MBOAT1: variants seen among roughly 807,000 people sequenced by gnomAD.
MBOAT1 encodes the protein membrane bound glycerophospholipid O-acyltransferase 1.
MBOAT1 carries 67 observed loss-of-function variants against 64.4 expected under a neutral mutation model. That is an observed-to-expected ratio of 1.04 (90% CI 0.85 to 1.27). The LOEUF is 1.27. Ranked by LOEUF, MBOAT1 falls within the 50% of genes most tolerant of loss-of-function variation. The pLI, the probability that MBOAT1 is intolerant of heterozygous loss-of-function variation, is 0.00. For missense variants in MBOAT1, 563 were observed against 604.6 expected (o/e 0.93, Z 0.72); for synonymous variants, 229 against 218.9 (o/e 1.05, Z -0.41).
At chr6:20,142,486 G>A (rs1294192026) in intron 4 of MBOAT1, among the ~76,000 whole-genome samples, 1 of 152,150 alleles carries the variant, frequency 6.6e-6, no homozygotes, top group Non-Finnish European at 1.5e-5. Flanking sequence ...GTCTCGCTCT[G>A]CCACCCAGGC....
intron 12 of MBOAT1, among the ~76,000 whole-genome samples, chr6:20,104,201 A>C (rs1186411939): frequency 6.6e-6 from 1 of 152,122 alleles, no homozygotes; most frequent in East Asian, 1.9e-4. Context: ...GTGCAAGTAC[A>C]CTCTATGATG....
At chr6:20,103,515 T>G (rs1051883001) in intron 12 of MBOAT1, among the ~76,000 whole-genome samples, 1 of 151,532 alleles carries the variant, frequency 6.6e-6, no homozygotes, top group Non-Finnish European at 1.5e-5. Flanking sequence ...CACCGCAACC[T>G]CCAACTCCTG....
chr6:20,139,987 G>A (rs1016009866), intron 4 of MBOAT1, among the ~76,000 whole-genome samples: 1 of 152,116 alleles, frequency 6.6e-6, no homozygotes, highest in African/African-American at 2.4e-5. Context: ...ATGAACTAAT[G>A]AGCCTTTGAC....
intron 4 of MBOAT1, among the ~76,000 whole-genome samples, chr6:20,140,075 C>T (rs1259238165): frequency 6.6e-6 from 1 of 152,114 alleles, no homozygotes; most frequent in East Asian, 1.9e-4. Flanking sequence ...CAGCCACTAT[C>T]CCCAGGGTCA....
chr6:20,162,326 A>G (rs976107361), intron 1 of MBOAT1, among the ~76,000 whole-genome samples: 2 of 152,134 alleles, frequency 1.3e-5, no homozygotes, highest in Admixed American at 1.3e-4. Flanking sequence ...TAAGACTCAA[A>G]GCAAAGGCTG....
Position 20,212,300 on chromosome 6 carries a change from G to T in MBOAT1, c.-66C>A. Reference sequence around the variant, plus strand: ...AACACCCCCTGCTCGGCGTCCTCCCGCCCGGGTGCTCTTGGGTGGTTGCCC... The same window carrying T: ...AACACCCCCTGCTCGGCGTCCTCCCTCCCGGGTGCTCTTGGGTGGTTGCCC... On this transcript the variant is annotated 5_prime_UTR_variant, in exon 1 of 13. Transcript: ENST00000324607. The T allele has an allele frequency of 1.4e-6, 2 of 1,471,204 alleles. No homozygotes were observed. The highest frequency in any genetic ancestry group is 1.9e-6 in the Non-Finnish European group (2 of 1,077,158). 91.1% of individuals were successfully genotyped at this position (1,471,204 alleles called of 1,614,324 possible). A position where few individuals can be genotyped will look rare whatever the true frequency, so the allele number is the denominator to read the frequency against.
intron 2 of MBOAT1, 26 bp downstream of exon 2, chr6:20,152,598 T>G: frequency 3.1e-6 from 5 of 1,593,748 alleles, no homozygotes; most frequent in Non-Finnish European, 4.3e-6. Flanking sequence ...ATGACCAATA[T>G]TAGAATATAT....
chr6:20,104,834 C>T (rs899780847), intron 12 of MBOAT1, among the ~76,000 whole-genome samples: 1 of 152,188 alleles, frequency 6.6e-6, no homozygotes, highest in African/African-American at 2.4e-5. Flanking sequence ...AGCAAACATA[C>T]ATGCATTCAT....
intron 12 of MBOAT1, among the ~76,000 whole-genome samples, chr6:20,105,044 A>G (rs950990209): frequency 1.3e-5 from 2 of 152,242 alleles, no homozygotes; most frequent in East Asian, 3.8e-4. Context: ...GACATTATTG[A>G]GAGTGGAAAA....
At chr6:20,168,579 A>G (rs952810453) in intron 1 of MBOAT1, among the ~76,000 whole-genome samples, 48 of 118,874 alleles carry the variant, frequency 4.0e-4, no homozygotes, top group African/African-American at 1.6e-3. Flanking sequence ...GAGAGAGAGA[A>G]AGAGAGAGAG....
rs1411523625 is a variant in MBOAT1 at position 20,109,651 on chromosome 6, G to C, written c.1308C>G (p.Tyr436Ter). ...CCAACATCACAAAGGGTGCTACCGT[G>C]TAAGAGACAGCCAGCTGAGTGACGG... ...TWAVTQLAVSYTVAPFVMLAV... is the reference protein window; with the variant it reads ...TWAVTQLAVS Residue 436 changes from tyrosine to a stop codon, truncating the protein, a stop_gained, in exon 12 of 13, where the codon TAC becomes TAG. Coordinates refer to ENST00000324607, the MANE Select transcript of MBOAT1 (RefSeq NM_001080480.3). LOFTEE classifies it high-confidence loss of function. 6.2e-7 allele frequency: 1 copy of C among 1,614,070 alleles called. No individual in the cohort carries two copies. The highest frequency in any genetic ancestry group is 8.5e-7 in the Non-Finnish European group (1 of 1,180,018).
chr6:20,109,365 A>T (rs777679449), intron 12 of MBOAT1, among the ~76,000 whole-genome samples: 6 of 152,296 alleles, frequency 3.9e-5, no homozygotes, highest in Middle Eastern at 3.4e-3. Flanking sequence ...CCCCTGGATG[A>T]CATTCTGAAT....
chr6:20,197,112 C>G (rs1431945178), intron 1 of MBOAT1, among the ~76,000 whole-genome samples: 1 of 87,502 alleles, frequency 1.1e-5, no homozygotes, highest in Non-Finnish European at 2.6e-5. Context: ...TCCATACTAT[C>G]TTTACAAATT....
At chr6:20,156,956 T>C (rs577378249) in intron 1 of MBOAT1, among the ~76,000 whole-genome samples, 2 of 152,192 alleles carry the variant, frequency 1.3e-5, no homozygotes, top group East Asian at 3.9e-4. Flanking sequence ...TGGGAGAAAC[T>C]TTTTACAATA....
Position 20,150,718 on chromosome 6 carries a change from T to G in MBOAT1, c.323+467A>C, listed in dbSNP as rs139809911. 3.4e-3 allele frequency among the ~76,000 whole-genome samples: 511 copies of G among 149,992 alleles called. 2 individuals are homozygous for G. The highest frequency in any genetic ancestry group is 6.0e-3 in the Non-Finnish European group (401 of 67,352). ...AGCTGGGACTATAGGTGCGCACCAC[T>G]ACGCCCAGCTAATTTTTTTTGGGTT... On this transcript the variant is annotated intron_variant, in intron 3 of 12. Coordinates refer to ENST00000324607, the MANE Select transcript of MBOAT1 (RefSeq NM_001080480.3).
At position 20,102,311 on chromosome 6, in the gene MBOAT1, G is replaced by T. The variant is rs748170285; in HGVS notation, c.1463C>A (p.Ser488Tyr). 1.2e-6 allele frequency: 2 copies of T among 1,613,888 alleles called. No individual in the cohort carries two copies. Among genetic ancestry groups the T allele is most frequent in the Admixed American group, 3.3e-5 (2 of 59,996 alleles). The change falls in exon 13 of 13, where the codon TCT becomes TAT. Residue 488 changes from serine (S) to tyrosine (Y), a missense_variant. Transcript: ENST00000324607. ...HTQRRPQTLN[S>Y]INKRKTD Reference sequence around the variant, plus strand: ...TCAATCTGTTTTTCTCTTATTAATAGAGTTCAGAGTCTGAGGCCGCCTTTG... The same window carrying T: ...TCAATCTGTTTTTCTCTTATTAATATAGTTCAGAGTCTGAGGCCGCCTTTG...
chr6:20,190,571 T>C (rs978819155), intron 1 of MBOAT1, among the ~76,000 whole-genome samples: 8 of 152,228 alleles, frequency 5.3e-5, no homozygotes, highest in African/African-American at 7.2e-5. Flanking sequence ...TACTTTTCAA[T>C]GTGGCCTCAT....
intron 7 of MBOAT1, chr6:20,125,904 C>T (rs1354464585): frequency 6.8e-6 from 3 of 440,648 alleles, no homozygotes; most frequent in Admixed American, 5.3e-5. Context: ...TTACAAATGT[C>T]CCTTAAATAT....
chr6:20,127,072 C>T lies in MBOAT1; in HGVS notation c.531-372G>A, dbSNP rs1175427636. ...AGGGCGGAACCTGACCTAATGTTAG[C>T]GGATCGAGATGCTTCCAAATGGGAA... On this transcript the variant is annotated intron_variant, in intron 6 of 12. Transcript: ENST00000324607. Among the ~76,000 whole-genome samples the T allele has an allele frequency of 2.0e-5, 3 of 152,136 alleles. No homozygotes were observed. In the East Asian group the frequency reaches 5.8e-4, roughly 29 times the overall value.
Sources: gnomAD v4.1 joint callset for allele counts (sites outside exome capture counted in the v4.1 genomes callset) on GRCh38, gnomAD v4.1.1 for gene constraint, MANE v1.5 for transcripts, NCBI Gene and HGNC (gene_info 2026-07-23, HGNC 2026-07-21) for gene names.